The following DDAH1 variants were observed in gnomAD, a reference collection of about 807,000 sequenced individuals.
DDAH1 encodes the protein N(G),N(G)-dimethylarginine dimethylaminohydrolase 1.
DDAH1 carries 19 observed loss-of-function variants against 28.8 expected under a neutral mutation model. That is an observed-to-expected ratio of 0.66 (90% CI 0.46 to 0.97). The LOEUF is 0.97. Ranked by LOEUF, DDAH1 falls within the 50% of genes least tolerant of loss-of-function variation. The probability of loss-of-function intolerance (pLI) is 0.00; values close to 1 mark genes in which losing one functional copy is unlikely to be tolerated. For synonymous variants in DDAH1, 153 were observed against 154.4 expected (o/e 0.99, Z 0.07); for missense variants, 326 against 375.9 (o/e 0.87, Z 1.10).
At chr1:85,560,926 T>G (rs1420092597) in intron 1 of DDAH1, among the ~76,000 whole-genome samples, 1 of 152,122 alleles carries the variant, frequency 6.6e-6, no homozygotes, top group Non-Finnish European at 1.5e-5. Context: ...ATGAGCATCT[T>G]TAACACAAAA....
rs545456537 is a variant in DDAH1 at position 85,406,464 on chromosome 1, T to A, written c.304-47617A>T. Among the ~76,000 whole-genome samples, 119 of 152,310 alleles carry A rather than the reference T, an allele frequency of 7.8e-4. 1 individual carries two copies. In the Middle Eastern group the frequency reaches 0.01, roughly 13 times the overall value. On this transcript the variant is annotated intron_variant, in intron 1 of 5. Coordinates refer to ENST00000284031, the MANE Select transcript of DDAH1 (RefSeq NM_012137.4). ...ATAAATTATGAGATTATCTATAATG[T>A]GAAATCATCATGAAGTCCAAAGAGA...
intron 1 of DDAH1, among the ~76,000 whole-genome samples, chr1:85,400,215 G>C (rs1160082763): frequency 1.5e-5 from 1 of 65,364 alleles, no homozygotes; most frequent in East Asian, 4.5e-4. Flanking sequence ...TTTTGAGACG[G>C]AGTCTCAATC....
chr1:85,508,435 C>A (rs1310839515), intron 1 of DDAH1, among the ~76,000 whole-genome samples: 1 of 152,318 alleles, frequency 6.6e-6, no homozygotes, highest in Admixed American at 6.5e-5. Flanking sequence ...GCATTTCCAA[C>A]TGCAGTACCT....
In DDAH1 at chr1:85,427,271, TAA is replaced by T. The variant is rs58534051; in HGVS notation, c.303+37470_303+37471del. On this transcript the variant is annotated intron_variant, in intron 1 of 5. Transcript: ENST00000284031. Reference sequence around the variant, plus strand: ...TGTTTTTGTTTTTTTCCAAGTGAGCTAAAAAAAAAAAAAAAAAAAGTGGGAGA... The same window carrying T: ...TGTTTTTGTTTTTTTCCAAGTGAGCTAAAAAAAAAAAAAAAAAGTGGGAGA... 5.5e-3 allele frequency among the ~76,000 whole-genome samples: 787 copies of T among 142,180 alleles called. 7 individuals carry two copies. Among genetic ancestry groups the T allele is most frequent in the African/African-American group, 0.017 (668 of 38,610 alleles). 93.3% of individuals were successfully genotyped at this position (142,180 alleles called of 152,430 possible). A position where few individuals can be genotyped will look rare whatever the true frequency, so the allele number is the denominator to read the frequency against.
At chr1:85,323,325 T>C (rs1319909710) in intron 5 of DDAH1, among the ~76,000 whole-genome samples, 1 of 152,190 alleles carries the variant, frequency 6.6e-6, no homozygotes, top group Non-Finnish European at 1.5e-5. Context: ...GATGAGATGC[T>C]GAGTGCCTAG....
chr1:85,466,695 A>G (rs1655393896), upstream of DDAH1, among the ~76,000 whole-genome samples: 1 of 152,186 alleles, frequency 6.6e-6, no homozygotes, highest in South Asian at 2.1e-4. Flanking sequence ...GCCCCAGTTT[A>G]GCGTCAGAAA....
At chr1:85,500,888 T>A (rs113096468) in intron 1 of DDAH1, among the ~76,000 whole-genome samples, 3,258 of 152,108 alleles carry the variant, frequency 0.021, 115 homozygotes, top group African/African-American at 0.074. Context: ...TCATTTTAGG[T>A]GTTACATTTT....
At chr1:85,393,841 A>C (rs1651677583) in intron 1 of DDAH1, among the ~76,000 whole-genome samples, 1 of 152,208 alleles carries the variant, frequency 6.6e-6, no homozygotes, top group Admixed American at 6.5e-5. Flanking sequence ...CCTAGCTAAC[A>C]ATAATTTAAA....
chr1:85,389,734 C>T (rs184342483), intron 1 of DDAH1, among the ~76,000 whole-genome samples: 5 of 152,248 alleles, frequency 3.3e-5, no homozygotes, highest in African/African-American at 9.6e-5. Flanking sequence ...ATGAATACGA[C>T]ACAAGGAAGA....
At chr1:85,334,921 A>G (rs1449433801) in intron 4 of DDAH1, among the ~76,000 whole-genome samples, 1 of 152,180 alleles carries the variant, frequency 6.6e-6, no homozygotes, top group African/African-American at 2.4e-5. Flanking sequence ...TAAGGGTACT[A>G]TATCCATCCA....
At chr1:85,507,022 A>T (rs1369382668) in intron 1 of DDAH1, among the ~76,000 whole-genome samples, 1 of 152,224 alleles carries the variant, frequency 6.6e-6, no homozygotes, top group South Asian at 2.1e-4. Flanking sequence ...CATCTAGAAA[A>T]TTGGAAAGAA....
intron 1 of DDAH1, among the ~76,000 whole-genome samples, chr1:85,500,146 C>T (rs867154288): frequency 1.0e-5 from 1 of 98,070 alleles, no homozygotes; most frequent in African/African-American, 4.9e-5. Flanking sequence ...TTCTTTCTTT[C>T]TTTTCTTTCT....
chr1:85,481,104 T>G (rs796846005), intron 2 of DDAH1, among the ~76,000 whole-genome samples: 4 of 132,484 alleles, frequency 3.0e-5, no homozygotes, highest in Admixed American at 2.1e-4. Flanking sequence ...TTTTGTTTTT[T>G]TTTTTTTTTT....
At chr1:85,512,919 T>C (rs1236226622) in intron 1 of DDAH1, among the ~76,000 whole-genome samples, 6 of 152,166 alleles carry the variant, frequency 3.9e-5, no homozygotes, top group African/African-American at 1.2e-4. Context: ...AAAATGGCCA[T>C]ACAGCCTAAG....
At chr1:85,521,635 C>G (rs1472981616) in intron 1 of DDAH1, 1 of 984,772 alleles carries the variant, frequency 1.0e-6, no homozygotes. Flanking sequence ...ATCTAGATGC[C>G]TTCCCCCGTC....
At chr1:85,535,014 TTC>T (rs1658226584) in intron 1 of DDAH1, among the ~76,000 whole-genome samples, 1 of 151,004 alleles carries the variant, frequency 6.6e-6, no homozygotes, top group Admixed American at 6.6e-5. Context: ...TGCTTAGCAA[TTC>T]TTTTTTTTTT....
intron 1 of DDAH1, among the ~76,000 whole-genome samples, chr1:85,502,353 G>A (rs901016454): frequency 6.6e-6 from 1 of 152,192 alleles, no homozygotes; most frequent in African/African-American, 2.4e-5. Flanking sequence ...CTTTGCACAT[G>A]TTATCTTGCT....
chr1:85,382,212 C>T (rs1441318053), intron 1 of DDAH1, among the ~76,000 whole-genome samples: 3 of 152,276 alleles, frequency 2.0e-5, no homozygotes, highest in East Asian at 3.9e-4. Flanking sequence ...CTAGTGAACA[C>T]ACGACTAATA....
chr1:85,452,279 T>G (rs1041190908), intron 1 of DDAH1, among the ~76,000 whole-genome samples: 1 of 152,112 alleles, frequency 6.6e-6, no homozygotes, highest in Non-Finnish European at 1.5e-5. Flanking sequence ...TTAAGGTATT[T>G]TTTGGTCTCC....
Sources: gnomAD v4.1 joint callset for allele counts (sites outside exome capture counted in the v4.1 genomes callset) on GRCh38, gnomAD v4.1.1 for gene constraint, MANE v1.5 for transcripts, NCBI Gene and HGNC (gene_info 2026-07-23, HGNC 2026-07-21) for gene names.